TP63: variants seen among roughly 807,000 people sequenced by gnomAD.
TP63 encodes the protein tumor protein 63.
In TP63, 17 loss-of-function variants were observed where a neutral mutation model predicts 82.8. The ratio of observed to expected loss-of-function variants is 0.21; its 90% CI spans 0.14 to 0.31. The LOEUF is 0.31. TP63 is among the 10% of genes least tolerant of loss of function. TP63 has a pLI of 1.00. For synonymous variants in TP63, 330 were observed against 321.7 expected (o/e 1.03, Z -0.28); for missense variants, 648 against 895.3 (o/e 0.72, Z 3.52).
At chr3:189,789,952 A>G (rs779061879) in intron 3 of TP63, 9 of 1,062,072 alleles carry the variant, frequency 8.5e-6, no homozygotes, top group Non-Finnish European at 1.0e-5. Flanking sequence ...ATGTTTTGCA[A>G]ATTGTATATA....
At chr3:189,721,342 G>A (rs1381734437) in intron 1 of TP63, among the ~76,000 whole-genome samples, 1 of 152,110 alleles carries the variant, frequency 6.6e-6, no homozygotes, top group Non-Finnish European at 1.5e-5. Flanking sequence ...TGATTTTCTA[G>A]TATTTTCTAG....
intron 1 of TP63, among the ~76,000 whole-genome samples, chr3:189,695,016 A>C (rs1368361723): frequency 6.6e-6 from 1 of 151,658 alleles, no homozygotes; most frequent in Admixed American, 6.6e-5. Context: ...ATGTTGGACC[A>C]GGCTGGTCTT....
At position 189,709,560 on chromosome 3, in the gene TP63, G is replaced by A. The variant is rs375665648; in HGVS notation, c.63-28180G>A. 2.6e-4 allele frequency among the ~76,000 whole-genome samples: 40 copies of A among 152,144 alleles called. No individual in the cohort carries two copies. The East Asian group carries it at 7.7e-3, about 29-fold the overall frequency. Reference sequence around the variant, plus strand: ...TTATTCTTAATGGAAAATGCACTGAGGAGAACTTTTTTTATTTGCTTTTTT... The same window carrying A: ...TTATTCTTAATGGAAAATGCACTGAAGAGAACTTTTTTTATTTGCTTTTTT... On this transcript the variant is annotated intron_variant, in intron 1 of 13. Coordinates refer to ENST00000264731, the MANE Select transcript of TP63 (RefSeq NM_003722.5).
Position 189,867,952 on chromosome 3 carries a change from G to A in TP63, c.992+10G>A, listed in dbSNP as rs373106660. The A allele has an allele frequency of 4.3e-5, 69 of 1,608,624 alleles. No homozygotes were observed. Among genetic ancestry groups the A allele is most frequent in the African/African-American group, 4.3e-4 (32 of 74,802 alleles). On this transcript the variant is annotated intron_variant, in intron 7 of 13. Coordinates refer to ENST00000264731, the MANE Select transcript of TP63 (RefSeq NM_003722.5). ...CTCTGGAAACCAGAGAGTAAGTGGC[G>A]TATGTAAAATTGTCATTCTACACAA...
At chr3:189,705,374 T>C (rs187017971) in intron 1 of TP63, among the ~76,000 whole-genome samples, 1 of 152,360 alleles carries the variant, frequency 6.6e-6, no homozygotes, top group African/African-American at 2.4e-5. Flanking sequence ...TAGTAAGTAA[T>C]GAGTAACTTT....
rs1305358720 is a variant in TP63 at position 189,752,340 on chromosome 3, AC to A, written c.324+13567del. On this transcript the variant is annotated intron_variant, in intron 3 of 13. Coordinates refer to ENST00000264731, the MANE Select transcript of TP63 (RefSeq NM_003722.5). The stretch of plus-strand genomic sequence containing the variant: ...AGGCATGTGCCACCATACCCGGCTA[AC>A]TTTTTGTAGTTTTTTTGTAGAGATG... 5.9e-5 allele frequency among the ~76,000 whole-genome samples: 9 copies of A among 152,046 alleles called. No individual in the cohort carries two copies. In the South Asian group the frequency reaches 1.2e-3, roughly 21 times the overall value.
the TP63 span, among the ~76,000 whole-genome samples, chr3:189,616,898 C>T: frequency 1.3e-5 from 2 of 152,198 alleles, no homozygotes; most frequent in African/African-American, 4.8e-5. Context: ...AAGTTTCATG[C>T]TACATCTTTT....
chr3:189,613,794 A>T, the TP63 span, among the ~76,000 whole-genome samples: 1 of 152,286 alleles, frequency 6.6e-6, no homozygotes, highest in East Asian at 1.9e-4. Flanking sequence ...GTCAAAGGAG[A>T]TCATTTTGGA....
intron 3 of TP63, among the ~76,000 whole-genome samples, chr3:189,775,291 C>T (rs1022788301): frequency 6.6e-6 from 1 of 150,658 alleles, no homozygotes; most frequent in South Asian, 2.1e-4. Context: ...ATAAAGAAGT[C>T]ATTTGCTGTT....
At chr3:189,827,859 T>TA (rs1711643881) in intron 4 of TP63, among the ~76,000 whole-genome samples, 1 of 152,178 alleles carries the variant, frequency 6.6e-6, no homozygotes, top group South Asian at 2.1e-4. Flanking sequence ...CATCATGTTC[T>TA]GTTGGAGGAA....
chr3:189,597,754 G>A, the TP63 span, among the ~76,000 whole-genome samples: 2 of 151,954 alleles, frequency 1.3e-5, no homozygotes, highest in Non-Finnish European at 2.9e-5. Context: ...GTGAAACCCC[G>A]TCTATACTAA....
chr3:189,782,256 C>T (rs73889826), intron 3 of TP63, among the ~76,000 whole-genome samples: 2,366 of 152,222 alleles, frequency 0.016, 56 homozygotes, highest in African/African-American at 0.053. Context: ...TGAGTGAATA[C>T]TTATTCATTA....
At chr3:189,652,515 G>A (rs1712981153) in intron 1 of TP63, among the ~76,000 whole-genome samples, 1 of 146,998 alleles carries the variant, frequency 6.8e-6, no homozygotes, top group South Asian at 2.2e-4. Flanking sequence ...GAAGGGACTT[G>A]CCTTGTCTCA....
chr3:189,821,459 T>C (rs1006608135), intron 4 of TP63, among the ~76,000 whole-genome samples: 1 of 152,170 alleles, frequency 6.6e-6, no homozygotes, highest in African/African-American at 2.4e-5. Flanking sequence ...CTTTTGTCAC[T>C]GGTCTCAATA....
chr3:189,691,019 C>A (rs1372943523), intron 1 of TP63, among the ~76,000 whole-genome samples: 4 of 152,050 alleles, frequency 2.6e-5, no homozygotes, highest in Non-Finnish European at 4.4e-5. Flanking sequence ...TAACCTTCTT[C>A]ACTACTGCCA....
intron 1 of TP63, among the ~76,000 whole-genome samples, chr3:189,722,567 G>A (rs1719473315): frequency 6.6e-6 from 1 of 151,312 alleles, no homozygotes; most frequent in Non-Finnish European, 1.5e-5. Flanking sequence ...GGCCTGTAAG[G>A]CAGGGCTCTG....
At chr3:189,649,093 T>G (rs1712663188) in intron 1 of TP63, among the ~76,000 whole-genome samples, 1 of 147,440 alleles carries the variant, frequency 6.8e-6, no homozygotes, top group Non-Finnish European at 1.5e-5. Flanking sequence ...CATGCTATTA[T>G]GGAAGTGTAT....
rs539551265 is a variant in TP63, at chr3:189,857,819, A to G, written c.580-6413A>G. Among the ~76,000 whole-genome samples the G allele has an allele frequency of 2.2e-3, 340 of 152,114 alleles. 1 individual carries two copies. The highest frequency in any genetic ancestry group is 8.0e-3 in the African/African-American group (333 of 41,580). On this transcript the variant is annotated intron_variant, in intron 4 of 13. Transcript: ENST00000264731. ...AAATACTACTTCATTTAGAATGGCT[A>G]TTAACAACAAGATAACTGTTAGCGA...
upstream of TP63, among the ~76,000 whole-genome samples, chr3:189,629,862 T>C (rs571583752): frequency 1.3e-5 from 2 of 152,312 alleles, no homozygotes; most frequent in South Asian, 2.1e-4. Flanking sequence ...TATTTGCTAA[T>C]AGCAGGGAAG....
Sources: gnomAD v4.1 joint callset for allele counts (sites outside exome capture counted in the v4.1 genomes callset) on GRCh38, gnomAD v4.1.1 for gene constraint, MANE v1.5 for transcripts, NCBI Gene and HGNC (gene_info 2026-07-23, HGNC 2026-07-21) for gene names.